The following PHF14 variants were observed in gnomAD, a reference collection of about 807,000 sequenced individuals.
PHF14 encodes the protein PHD finger protein 14.
In PHF14, 55 loss-of-function variants were observed where a neutral mutation model predicts 117.9. That is an observed-to-expected ratio of 0.47 (90% CI 0.38 to 0.58). The LOEUF (loss-of-function observed/expected upper bound fraction) is 0.58, where lower values mean the gene tolerates loss of function less well. Among genes scored for constraint, PHF14 ranks in the 20% least tolerant of loss-of-function variants. The pLI is 0.00. For missense variants in PHF14, 978 were observed against 1,122.2 expected (o/e 0.87, Z 1.84); for synonymous variants, 409 against 368.6 (o/e 1.11, Z -1.26).
At chr7:11,166,452 A>G (rs970468676) in intron 17 of PHF14, among the ~76,000 whole-genome samples, 4 of 152,130 alleles carry the variant, frequency 2.6e-5, no homozygotes, top group African/African-American at 9.6e-5. Flanking sequence ...TCATTTATCA[A>G]TTATATTTTA....
intron 16 of PHF14, chr7:11,106,933 A>T (rs929931803): frequency 1.0e-6 from 1 of 983,932 alleles, no homozygotes; most frequent in African/African-American, 1.7e-5. Context: ...CATAAAAGAT[A>T]ATGTGATTAT....
At chr7:11,150,064 C>A (rs1376365206) in intron 17 of PHF14, among the ~76,000 whole-genome samples, 1 of 151,966 alleles carries the variant, frequency 6.6e-6, no homozygotes, top group African/African-American at 2.4e-5. Flanking sequence ...GTTGAAAATA[C>A]ATTGCAAGTC....
At chr7:11,162,133 G>A (rs568973131) in intron 17 of PHF14, among the ~76,000 whole-genome samples, 3 of 122,120 alleles carry the variant, frequency 2.5e-5, no homozygotes, top group Non-Finnish European at 4.8e-5. Flanking sequence ...CTGTCTCCCA[G>A]GCTGGAGTGC....
At chr7:10,978,820 G>T (rs1197557835) in intron 2 of PHF14, among the ~76,000 whole-genome samples, 1 of 152,090 alleles carries the variant, frequency 6.6e-6, no homozygotes, top group Non-Finnish European at 1.5e-5. Context: ...GGAAAAAAAT[G>T]TTCCCGTTTG....
At chr7:11,004,896 A>T (rs899848381) in intron 4 of PHF14, among the ~76,000 whole-genome samples, 22 of 151,944 alleles carry the variant, frequency 1.4e-4, no homozygotes, top group African/African-American at 4.6e-4. Context: ...ATTAGCCTGT[A>T]ATCCCAGCTG....
chr7:11,107,688 A>G (rs1349994032), intron 16 of PHF14: 1 of 668,142 alleles, frequency 1.5e-6, no homozygotes, highest in East Asian at 1.4e-4. Flanking sequence ...TCGTATAATA[A>G]TCTGTTTTTA....
At chr7:11,070,739 G>A (rs370892598) in intron 16 of PHF14, among the ~76,000 whole-genome samples, 3 of 152,200 alleles carry the variant, frequency 2.0e-5, no homozygotes, top group Non-Finnish European at 4.4e-5. Context: ...CACGAGGTGA[G>A]TATAGCATCT....
chr7:11,153,908 A>G (rs1788770625), intron 17 of PHF14, among the ~76,000 whole-genome samples: 1 of 151,580 alleles, frequency 6.6e-6, no homozygotes, highest in Non-Finnish European at 1.5e-5. Context: ...ATTATAATAC[A>G]TAGAGGCAAG....
chr7:11,132,265 C>G lies in PHF14; in HGVS notation c.2772+20798C>G, dbSNP rs529297594. ...CCTCTACTTGCCCATTTTCTTCCCA[C>G]TGATAACCAGGGTTTTGTTCTGTCT... is the stretch of plus-strand genomic sequence containing the variant. On this transcript the variant is annotated intron_variant, in intron 17 of 17. Coordinates refer to ENST00000634607, the MANE Select transcript of PHF14 (RefSeq NM_001007157.2). Among the ~76,000 whole-genome samples the G allele has an allele frequency of 8.6e-4, 130 of 151,158 alleles. 2 individuals are homozygous for G. Among genetic ancestry groups the G allele is most frequent in the Non-Finnish European group, 6.8e-4 (46 of 67,702 alleles).
rs563913745 is a variant in PHF14 at position 11,133,981 on chromosome 7, G to T, written c.2772+22514G>T. Among the ~76,000 whole-genome samples the T allele has an allele frequency of 2.7e-3, 412 of 152,118 alleles. 1 individual carries two copies. The highest frequency in any genetic ancestry group is 6.8e-3 in the Middle Eastern group (2 of 294). On this transcript the variant is annotated intron_variant, in intron 17 of 17. Coordinates refer to ENST00000634607, the MANE Select transcript of PHF14 (RefSeq NM_001007157.2). ...TTTAAGGATATTAATCACTTAAGTA[G>T]AAAGCTACTAAGTAGTAAGAGGAGT...
At chr7:11,064,639 T>G in intron 16 of PHF14, among the ~76,000 whole-genome samples, 1 of 152,046 alleles carries the variant, frequency 6.6e-6, no homozygotes, top group East Asian at 1.9e-4. Context: ...GAAAATTCCT[T>G]CTTAATTGTC....
chr7:11,088,309 A>G (rs1786498243), intron 16 of PHF14, among the ~76,000 whole-genome samples: 2 of 151,750 alleles, frequency 1.3e-5, no homozygotes, highest in South Asian at 2.1e-4. Context: ...TTTTCCATCC[A>G]TGGTTGGTTG....
intron 13 of PHF14, among the ~76,000 whole-genome samples, chr7:11,046,126 C>G (rs1454097628): frequency 2.6e-5 from 4 of 151,986 alleles, no homozygotes; most frequent in African/African-American, 9.7e-5. Flanking sequence ...GTACCTCTTT[C>G]TAGTATTTAA....
chr7:10,986,007 T>TG (rs1431007047), intron 3 of PHF14, among the ~76,000 whole-genome samples: 6 of 152,022 alleles, frequency 3.9e-5, no homozygotes, highest in African/African-American at 1.4e-4. Context: ...CTCGCTTTGT[T>TG]TCCTGGACTG....
At chr7:11,104,550 A>T (rs753528405) in intron 16 of PHF14, 21 of 981,812 alleles carry the variant, frequency 2.1e-5, no homozygotes, top group Non-Finnish European at 2.5e-5. Flanking sequence ...CATCAGGTAA[A>T]TGATAGTTGT....
Position 10,983,032 on chromosome 7 carries a change from A to C in PHF14, c.773A>C (p.Asp258Ala), listed in dbSNP as rs1394297119. 4 of 1,589,694 alleles carry C rather than the reference A, an allele frequency of 2.5e-6. No homozygotes were observed. In the African/African-American group the frequency reaches 5.4e-5, roughly 21 times the overall value. ...GAGAATGATGAAGGCAATGATGAAG[A>C]TCATAGTAGCCCTGCCAGTGAAGGG... ...EDENDEGNDE[D>A]HSSPASEGGC... Residue 258 changes from aspartate (D) to alanine (A), a missense_variant, in exon 3 of 18, where the codon GAT (aspartate) becomes GCT (alanine). By Grantham distance (126) the Asp-to-Ala change is moderately radical. Coordinates refer to ENST00000634607, the MANE Select transcript of PHF14 (RefSeq NM_001007157.2).
At chr7:11,051,835 A>G (rs753186191) in intron 14 of PHF14, 55 bp downstream of exon 14, 111 of 1,456,248 alleles carry the variant, frequency 7.6e-5, no homozygotes, top group Non-Finnish European at 1.0e-4. Flanking sequence ...CCAAAATTTA[A>G]GAGAGTGAGA....
intron 17 of PHF14, among the ~76,000 whole-genome samples, chr7:11,121,011 T>C (rs1787736340): frequency 6.6e-6 from 1 of 152,142 alleles, no homozygotes; most frequent in African/African-American, 2.4e-5. Context: ...GAAATGAAAA[T>C]ACAAAGTAAA....
At chr7:11,117,883 CTT>C (rs2128344993) in intron 17 of PHF14, among the ~76,000 whole-genome samples, 1 of 151,766 alleles carries the variant, frequency 6.6e-6, no homozygotes, top group Non-Finnish European at 1.5e-5. Context: ...AAAAAAGAGA[CTT>C]TTAAATATTT....
Sources: gnomAD v4.1 joint callset for allele counts (sites outside exome capture counted in the v4.1 genomes callset) on GRCh38, gnomAD v4.1.1 for gene constraint, MANE v1.5 for transcripts, NCBI Gene and HGNC (gene_info 2026-07-23, HGNC 2026-07-21) for gene names.